Variants in TOP2B observed in about 807,000 individuals in gnomAD.
The protein encoded by TOP2B is DNA topoisomerase 2-beta.
In TOP2B, 51 loss-of-function variants were observed where a neutral mutation model predicts 193.5. That is an observed-to-expected ratio of 0.26 (90% CI 0.21 to 0.33). The LOEUF is 0.33. Ranked by LOEUF, TOP2B falls within the 10% of genes least tolerant of loss-of-function variation. The probability of loss-of-function intolerance (pLI) is 1.00; values close to 1 mark genes in which losing one functional copy is unlikely to be tolerated. For missense variants in TOP2B, 1,378 were observed against 1,909.3 expected, an observed-to-expected ratio of 0.72 and a Z score of 5.19; for synonymous variants, 634 against 635.7, an observed-to-expected ratio of 1.00 and a Z score of 0.04.
At chr3:25,648,665 G>A (rs903773990) in intron 1 of TOP2B, among the ~76,000 whole-genome samples, 3 of 152,076 alleles carry the variant, frequency 2.0e-5, no homozygotes, top group Non-Finnish European at 4.4e-5. Context: ...AAACCAGTCT[G>A]TGCAACATGG....
intron 1 of TOP2B, among the ~76,000 whole-genome samples, chr3:25,657,804 G>C (rs1166992394): frequency 6.6e-6 from 1 of 152,208 alleles, no homozygotes; most frequent in Non-Finnish European, 1.5e-5. Context: ...GCTGACGCCT[G>C]TAATCCCAGC....
At chr3:25,599,405 G>A (rs748193472) in intron 35 of TOP2B, 30 bp downstream of exon 35, 1 of 1,598,666 alleles carries the variant, frequency 6.3e-7, no homozygotes, top group Non-Finnish European at 8.5e-7. Context: ...AAAAAGCCAT[G>A]CACTAATATG....
chr3:25,622,114 TCTTGA>T (rs1702672702), intron 21 of TOP2B, among the ~76,000 whole-genome samples: 1 of 152,218 alleles, frequency 6.6e-6, no homozygotes, highest in Admixed American at 6.5e-5. Context: ...TGATGTCTTG[TCTTGA>T]CAACTGTTTA....
chr3:25,653,180 T>C (rs1163247932), intron 1 of TOP2B, among the ~76,000 whole-genome samples: 2 of 152,156 alleles, frequency 1.3e-5, no homozygotes, highest in Non-Finnish European at 2.9e-5. Context: ...ACCAGATGGC[T>C]TCACTTGAAA....
chr3:25,620,872 G>A (rs1366564437), intron 21 of TOP2B, 56 bp from the exon 22 acceptor site: 9 of 1,556,862 alleles, frequency 5.8e-6, no homozygotes, highest in Non-Finnish European at 7.9e-6. Context: ...AGTACCATGA[G>A]TCTATGGTCT....
intron 4 of TOP2B, among the ~76,000 whole-genome samples, chr3:25,641,841 T>G (rs945833396): frequency 6.6e-6 from 1 of 152,138 alleles, no homozygotes; most frequent in African/African-American, 2.4e-5. Flanking sequence ...ATGCTACTAT[T>G]TTTTATACAT....
intron 7 of TOP2B, among the ~76,000 whole-genome samples, chr3:25,634,562 G>A (rs372329335): frequency 6.6e-6 from 1 of 152,002 alleles, no homozygotes; most frequent in Admixed American, 6.6e-5. Context: ...GCTACTGGAA[G>A]AGTGTATACT....
rs1217173743 is a variant in TOP2B, at chr3:25,663,270, C to A, written c.69+959G>T. The stretch of plus-strand genomic sequence containing the variant: ...AAAACGAACTAAGTAACAAAAATGC[C>A]TATATGAAAGCTCCCTTGAGGTATT... On this transcript the variant is annotated intron_variant, in intron 1 of 35. Transcript: ENST00000264331. Among the ~76,000 whole-genome samples, 3 of 152,264 alleles carry A rather than the reference C, an allele frequency of 2.0e-5. No homozygotes were observed. In the East Asian group the frequency reaches 5.8e-4, roughly 29 times the overall value.
chr3:25,662,311 T>C (rs1480575801), intron 1 of TOP2B, among the ~76,000 whole-genome samples: 1 of 152,196 alleles, frequency 6.6e-6, no homozygotes, highest in Non-Finnish European at 1.5e-5. Context: ...CTCACTATAT[T>C]GCCTCCCATA....
At chr3:25,656,050 G>T (rs1703736494) in intron 1 of TOP2B, among the ~76,000 whole-genome samples, 1 of 152,162 alleles carries the variant, frequency 6.6e-6, no homozygotes, top group Non-Finnish European at 1.5e-5. Flanking sequence ...AATTGAACAT[G>T]TGAAATGTAG....
rs1477419130 is a variant in TOP2B, at chr3:25,633,746, T to A, written c.1026+95A>T. 21 of 1,153,120 alleles carry A rather than the reference T, an allele frequency of 1.8e-5. No individual in the cohort carries two copies. The East Asian group carries it at 5.7e-4, about 31-fold the overall frequency. The allele number at this position is 1,153,120 out of a possible 1,614,324, so 71.4% of individuals were successfully genotyped here. ...CTTATTTAACAAAAACAGATTTGGGTTTTTTGGGGGTTGTGGATATTGTTA... is the reference window on the plus strand; with the variant it reads ...CTTATTTAACAAAAACAGATTTGGGATTTTTGGGGGTTGTGGATATTGTTA... On this transcript the variant is annotated intron_variant, in intron 8 of 35. Transcript: ENST00000264331.
rs998471976 is a variant in TOP2B at position 25,664,837 on chromosome 3, G to A, written c.-540C>T. 24 of 991,230 alleles carry A rather than the reference G, an allele frequency of 2.4e-5. No individual in the cohort carries two copies. Among genetic ancestry groups the A allele is most frequent in the Non-Finnish European group, 2.5e-5 (21 of 833,192 alleles). 61.4% of individuals were successfully genotyped at this position (991,230 alleles called of 1,614,324 possible). A position where few individuals can be genotyped will look rare whatever the true frequency, so the allele number is the denominator to read the frequency against. On this transcript the variant is annotated 5_prime_UTR_variant, in exon 1 of 36. Coordinates refer to ENST00000264331, the MANE Select transcript of TOP2B (RefSeq NM_001330700.2). ...TTCCTCACACACACACACCGAGAGG[G>A]ACAATAAACAGAGCCGCCGCCGCCG...
intron 1 of TOP2B, among the ~76,000 whole-genome samples, chr3:25,648,782 A>G (rs1703488825): frequency 6.6e-6 from 1 of 152,228 alleles, no homozygotes; most frequent in Non-Finnish European, 1.5e-5. Context: ...GGATTGCCTG[A>G]GCCCAGAAGG....
rs749847075 is a variant in TOP2B, at chr3:25,607,165, AC to A, written c.4298+5del. The A allele has an allele frequency of 6.2e-7, 1 of 1,612,920 alleles. No homozygotes were observed. Among genetic ancestry groups the A allele is most frequent in the East Asian group, 2.2e-5 (1 of 44,764 alleles). ...CTATACCACATCACTAAATAGCATT[AC>A]TTACTCTGGAGTGGCTTTTGATTTG... On this transcript the variant is annotated splice_donor_5th_base_variant and intron_variant, in intron 31 of 35. Coordinates refer to ENST00000264331, the MANE Select transcript of TOP2B (RefSeq NM_001330700.2).
chr3:25,604,929 T>G, intron 32 of TOP2B, 59 bp from the exon 33 acceptor site: 1 of 1,273,546 alleles, frequency 7.9e-7, no homozygotes, highest in Non-Finnish European at 1.1e-6. Flanking sequence ...CTCAGTAAAC[T>G]TTGACTCTTT....
intron 10 of TOP2B, among the ~76,000 whole-genome samples, chr3:25,631,542 A>G (rs114335193): frequency 6.6e-6 from 1 of 152,202 alleles, no homozygotes; most frequent in African/African-American, 2.4e-5. Context: ...TCTAAGTCCT[A>G]AAAGTTTTTT....
At chr3:25,646,601 T>G (rs530936266) in intron 1 of TOP2B, among the ~76,000 whole-genome samples, 103 of 152,250 alleles carry the variant, frequency 6.8e-4, no homozygotes, top group Non-Finnish European at 1.2e-3. Flanking sequence ...AATCAAAAAA[T>G]AACTCAAAAG....
intron 1 of TOP2B, among the ~76,000 whole-genome samples, chr3:25,663,512 G>A (rs60962207): frequency 0.14 from 20,695 of 152,158 alleles, 1,682 homozygotes; most frequent in East Asian, 0.19. Context: ...CAAGAACTGA[G>A]CGTCGAAATC....
In TOP2B at chr3:25,619,935, T is replaced by G; in HGVS notation, c.2990A>C (p.Lys997Thr). The change falls in exon 23 of 36, where the codon AAA becomes ACA. Residue 997 changes from lysine to threonine, a missense_variant. By Grantham distance (78) the Lys-to-Thr change is moderately conservative. This residue lies in a region of TOP2B where 379 missense variants were observed against 615.1 expected (regional missense o/e 0.62). Transcript: ENST00000264331. ...VKFVVKMTEE[K>T]LAQAEAAGLH... ...TCCAGCAGCTTCTGCTTGTGCTAGT[T>G]TCTCTTCAGTCATTTTCACCACAAA... The G allele has an allele frequency of 6.2e-7, 1 of 1,613,346 alleles. No individual in the cohort carries two copies.
Sources: gnomAD v4.1 joint callset for allele counts (sites outside exome capture counted in the v4.1 genomes callset) on GRCh38, gnomAD v4.1.1 for gene constraint, gnomAD v4.1.1 regional missense constraint, MANE v1.5 for transcripts, NCBI Gene and HGNC (gene_info 2026-07-23, HGNC 2026-07-21) for gene names.